Variants in PTPRT observed in about 807,000 individuals in gnomAD.
PTPRT encodes receptor-type tyrosine-protein phosphatase T.
A neutral mutation model predicts 176.8 loss-of-function variants in PTPRT; 56 were observed. The ratio of observed to expected loss-of-function variants is 0.32; its 90% CI spans 0.26 to 0.40. The LOEUF is 0.40. PTPRT is among the 10% of genes least tolerant of loss of function. PTPRT has a pLI of 1.00. For synonymous variants in PTPRT, 783 were observed against 739.0 expected (o/e 1.06, Z -0.96); for missense variants, 1,540 against 1,908.2 (o/e 0.81, Z 3.60).
At chr20:42,292,332 C>T (rs1309921515) in intron 12 of PTPRT, among the ~76,000 whole-genome samples, 2 of 150,716 alleles carry the variant, frequency 1.3e-5, no homozygotes, top group Non-Finnish European at 1.5e-5. Context: ...AAGATGTCCT[C>T]TTTTCTTTTT....
Position 42,322,474 on chromosome 20 carries a change from A to G in PTPRT, c.1866-6478T>C, listed in dbSNP as rs1347346161. Among the ~76,000 whole-genome samples, 2 of 105,956 alleles carry G rather than the reference A, an allele frequency of 1.9e-5. 1 individual carries two copies. The highest frequency in any genetic ancestry group is 3.4e-5 in the Non-Finnish European group (2 of 59,206). 69.5% of individuals were successfully genotyped at this position (105,956 alleles called of 152,430 possible). On this transcript the variant is annotated intron_variant, in intron 11 of 30. Coordinates refer to ENST00000373187, the MANE Select transcript of PTPRT (RefSeq NM_007050.6). ...AACGCCGCATATCTACAACTGTCTG[A>G]TCTTTGACAAACCTGAGAAAAACAA...
At chr20:42,158,573 G>A (rs1321808724) in intron 17 of PTPRT, among the ~76,000 whole-genome samples, 1 of 152,190 alleles carries the variant, frequency 6.6e-6, no homozygotes, top group African/African-American at 2.4e-5. Flanking sequence ...ATAGGACAAT[G>A]ATTCTCCTAG....
chr20:42,457,147 T>G (rs1403387965), intron 8 of PTPRT, among the ~76,000 whole-genome samples: 1 of 152,184 alleles, frequency 6.6e-6, no homozygotes, highest in Non-Finnish European at 1.5e-5. Context: ...ATCTCATTAA[T>G]TTTTCAGTAC....
In PTPRT at chr20:42,942,026, G is replaced by T. The variant is rs150060099; in HGVS notation, c.89-56094C>A. ...AAGCAAAATGCAACTCTTTACAAGG[G>T]ATAGGGGTAGGAGAAAAGGGTTGAG... On this transcript the variant is annotated intron_variant, in intron 1 of 30. Coordinates refer to ENST00000373187, the MANE Select transcript of PTPRT (RefSeq NM_007050.6). 2.7e-3 allele frequency among the ~76,000 whole-genome samples: 418 copies of T among 152,130 alleles called. 1 individual carries two copies. Among genetic ancestry groups the T allele is most frequent in the Non-Finnish European group, 4.4e-3 (300 of 68,014 alleles).
chr20:42,652,628 C>A (rs1158941469), intron 7 of PTPRT, among the ~76,000 whole-genome samples: 1 of 152,166 alleles, frequency 6.6e-6, no homozygotes, highest in Non-Finnish European at 1.5e-5. Context: ...ACATTCCTTT[C>A]TTTGCTGCTG....
rs538892568 is a variant in PTPRT at position 42,073,867 on chromosome 20, A to G, written c.*7012T>C. The stretch of plus-strand genomic sequence containing the variant: ...CCATCTGGAATGGAAGTGACCTGAA[A>G]TCCATTTCACCAATGCTTCTCTTCC... On this transcript the variant is annotated 3_prime_UTR_variant, in exon 31 of 31. Coordinates refer to ENST00000373187, the MANE Select transcript of PTPRT (RefSeq NM_007050.6). 21 of 228,540 alleles carry G rather than the reference A, an allele frequency of 9.2e-5. No individual in the cohort carries two copies. The highest frequency in any genetic ancestry group is 1.8e-4 in the Non-Finnish European group (21 of 115,120). The allele number at this position is 228,540 out of a possible 1,614,324, so 14.2% of individuals were successfully genotyped here. A position where few individuals can be genotyped will look rare whatever the true frequency, so the allele number is the denominator to read the frequency against.
At chr20:43,113,562 C>T (rs1304893817) in intron 1 of PTPRT, among the ~76,000 whole-genome samples, 1 of 152,154 alleles carries the variant, frequency 6.6e-6, no homozygotes, top group Non-Finnish European at 1.5e-5. Flanking sequence ...GGGTCACCTA[C>T]ATGGCCAAGA....
chr20:42,549,077 C>T (rs763427185), intron 7 of PTPRT, among the ~76,000 whole-genome samples: 2 of 152,108 alleles, frequency 1.3e-5, no homozygotes, highest in Non-Finnish European at 1.5e-5. Context: ...CTAATGTAAA[C>T]CCAGACATTC....
At chr20:42,730,902 C>T (rs2076450612) in intron 6 of PTPRT, among the ~76,000 whole-genome samples, 1 of 152,194 alleles carries the variant, frequency 6.6e-6, no homozygotes, top group Admixed American at 6.5e-5. Context: ...CATGAGTCAG[C>T]TTCTCCCTCT....
the PTPRT span, among the ~76,000 whole-genome samples, chr20:42,045,604 A>G: frequency 1.8e-3 from 279 of 151,838 alleles, 3 homozygotes; most frequent in Middle Eastern, 0.014. Context: ...GTTGGTTAGT[A>G]TTGCCAGTGT....
intron 1 of PTPRT, among the ~76,000 whole-genome samples, chr20:43,027,613 G>C (rs1985969097): frequency 6.6e-6 from 1 of 152,124 alleles, no homozygotes; most frequent in African/African-American, 2.4e-5. Flanking sequence ...CACAGAAGTT[G>C]GCCATCTGCA....
chr20:42,495,462 A>G (rs764830020), intron 7 of PTPRT, among the ~76,000 whole-genome samples: 1 of 152,156 alleles, frequency 6.6e-6, no homozygotes, highest in Non-Finnish European at 1.5e-5. Flanking sequence ...TGGCATGTCC[A>G]TGCACCTGGC....
chr20:42,664,637 A>AT (rs1482100632), intron 7 of PTPRT, among the ~76,000 whole-genome samples: 1 of 152,104 alleles, frequency 6.6e-6, no homozygotes, highest in Admixed American at 6.6e-5. Context: ...ATTCATATAA[A>AT]TTTTTTATTT....
intron 6 of PTPRT, among the ~76,000 whole-genome samples, chr20:42,736,335 G>A (rs538518792): frequency 2.0e-5 from 3 of 152,358 alleles, no homozygotes; most frequent in East Asian, 1.9e-4. Context: ...CTCCAGCCTC[G>A]TGTGCAGTGA....
intron 3 of PTPRT, among the ~76,000 whole-genome samples, chr20:42,790,716 T>C (rs1268768739): frequency 6.6e-6 from 1 of 152,202 alleles, no homozygotes; most frequent in African/African-American, 2.4e-5. Context: ...AAAATAAATT[T>C]GTATTCATTC....
At chr20:42,391,292 A>G (rs934526604) in intron 9 of PTPRT, among the ~76,000 whole-genome samples, 6 of 152,212 alleles carry the variant, frequency 3.9e-5, no homozygotes, top group African/African-American at 1.4e-4. Flanking sequence ...GTGCTTCAGC[A>G]GCAAGAGAAG....
chr20:42,053,313 T>G, the PTPRT span, among the ~76,000 whole-genome samples: 18 of 152,306 alleles, frequency 1.2e-4, no homozygotes, highest in Middle Eastern at 3.4e-3. Context: ...GTCATCTCCT[T>G]TTACTGATGG....
At chr20:42,329,863 A>G (rs1387195013) in intron 11 of PTPRT, among the ~76,000 whole-genome samples, 1 of 152,232 alleles carries the variant, frequency 6.6e-6, no homozygotes, top group Non-Finnish European at 1.5e-5. Context: ...CATTGTATGA[A>G]TTACCTTAGT....
chr20:42,760,779 C>A (rs1042924918), intron 5 of PTPRT, among the ~76,000 whole-genome samples: 3 of 152,116 alleles, frequency 2.0e-5, no homozygotes, highest in Non-Finnish European at 2.9e-5. Flanking sequence ...TAAGATAATT[C>A]TAGGGCTGAT....
Sources: allele counts gnomAD v4.1 joint callset (sites outside exome capture counted in the v4.1 genomes callset), GRCh38; gene constraint gnomAD v4.1.1; transcripts MANE v1.5; gene names NCBI Gene and HGNC (gene_info 2026-07-23, HGNC 2026-07-21).